Variants in ABCA12 observed in about 807,000 individuals in gnomAD.
The protein encoded by ABCA12 is glucosylceramide transporter ABCA12.
In ABCA12, 156 loss-of-function variants were observed where a neutral mutation model predicts 293.5. The ratio of observed to expected loss-of-function variants is 0.53; its 90% CI spans 0.47 to 0.61. ABCA12 has a LOEUF of 0.61. ABCA12 is among the 20% of genes least tolerant of loss of function. The pLI is 0.00. For missense variants in ABCA12, 2,797 were observed against 3,090.2 expected (o/e 0.91, Z 2.25); for synonymous variants, 1,063 against 1,108.0 (o/e 0.96, Z 0.81).
intron 51 of ABCA12, among the ~76,000 whole-genome samples, chr2:214,934,861 A>G (rs1231872189): frequency 1.3e-5 from 2 of 152,092 alleles, no homozygotes; most frequent in Admixed American, 1.3e-4. Flanking sequence ...ATACCTCTCA[A>G]ACTTAACCTT....
At chr2:214,947,620 G>GA in intron 47 of ABCA12, 64 bp from the exon 48 acceptor site, 3 of 1,557,032 alleles carry the variant, frequency 1.9e-6, no homozygotes, top group Admixed American at 1.9e-5. Flanking sequence ...AGCACTAAAT[G>GA]GAAAAAAAAA....
intron 2 of ABCA12, among the ~76,000 whole-genome samples, chr2:215,107,563 G>C (rs1177902821): frequency 6.6e-6 from 1 of 152,208 alleles, no homozygotes; most frequent in Non-Finnish European, 1.5e-5. Flanking sequence ...AATGAGTGAA[G>C]TCAGGTGATG....
At chr2:215,109,650 A>C (rs1268602637) in intron 2 of ABCA12, among the ~76,000 whole-genome samples, 3 of 152,306 alleles carry the variant, frequency 2.0e-5, no homozygotes, top group East Asian at 3.9e-4. Context: ...ATTAGGCCTA[A>C]GAGGCACATA....
chr2:215,102,079 C>T (rs1702368757), intron 2 of ABCA12, among the ~76,000 whole-genome samples: 2 of 151,926 alleles, frequency 1.3e-5, no homozygotes, highest in Admixed American at 6.6e-5. Context: ...GTATTTGGTA[C>T]ATGCATAGAA....
chr2:214,992,851 G>T (rs978688038), intron 23 of ABCA12, among the ~76,000 whole-genome samples: 1 of 151,944 alleles, frequency 6.6e-6, no homozygotes. Flanking sequence ...TGAGAGACAA[G>T]AGTGAAATTC....
chr2:214,981,145 A>G (rs1359329413), intron 30 of ABCA12, among the ~76,000 whole-genome samples: 1 of 152,036 alleles, frequency 6.6e-6, no homozygotes, highest in Non-Finnish European at 1.5e-5. Context: ...GGTGTTCTTA[A>G]ATATTTGGAC....
chr2:214,942,851 A>G, intron 50 of ABCA12, 74 bp downstream of exon 50: 1 of 1,320,744 alleles, frequency 7.6e-7, no homozygotes, highest in South Asian at 1.2e-5. Flanking sequence ...TGCTGAGATA[A>G]TCCTTGAATC....
intron 29 of ABCA12, among the ~76,000 whole-genome samples, chr2:214,983,292 T>A (rs1430405687): frequency 6.6e-6 from 1 of 152,088 alleles, no homozygotes; most frequent in African/African-American, 2.4e-5. Context: ...GATTTGCAGT[T>A]GAAAAAGATC....
At chr2:214,981,628 C>T (rs563098200) in intron 30 of ABCA12, among the ~76,000 whole-genome samples, 1 of 152,064 alleles carries the variant, frequency 6.6e-6, no homozygotes, top group South Asian at 2.1e-4. Context: ...TCAAAATCTT[C>T]AGAAAAGAAA....
chr2:215,071,862 G>A (rs1304042629), intron 2 of ABCA12, among the ~76,000 whole-genome samples: 1 of 152,178 alleles, frequency 6.6e-6, no homozygotes, highest in African/African-American at 2.4e-5. Context: ...GGTTTGGAGT[G>A]TTGCATGATG....
At chr2:215,052,621 A>G (rs762424161) in intron 4 of ABCA12, 37 bp from the exon 5 acceptor site, 3 of 1,507,338 alleles carry the variant, frequency 2.0e-6, no homozygotes, top group South Asian at 2.2e-5. Context: ...CATTCCACAC[A>G]CACACACACA....
intron 49 of ABCA12, among the ~76,000 whole-genome samples, chr2:214,944,520 A>G (rs1379382618): frequency 2.6e-5 from 4 of 152,134 alleles, no homozygotes; most frequent in Admixed American, 2.6e-4. Context: ...CAGAACCAGG[A>G]AGGAGTCATC....
intron 23 of ABCA12, among the ~76,000 whole-genome samples, chr2:214,992,923 T>G (rs150938518): frequency 1.4e-3 from 219 of 152,126 alleles, no homozygotes; most frequent in African/African-American, 4.8e-3. Flanking sequence ...ATAACCCAAT[T>G]TTTTCTTTTT....
chr2:215,008,211 C>G (rs948613533), intron 18 of ABCA12, among the ~76,000 whole-genome samples: 1 of 152,092 alleles, frequency 6.6e-6, no homozygotes, highest in Non-Finnish European at 1.5e-5. Context: ...GATATTCTCA[C>G]GTATTGCTGC....
At chr2:215,054,141 T>C (rs1701373943) in intron 4 of ABCA12, among the ~76,000 whole-genome samples, 1 of 152,134 alleles carries the variant, frequency 6.6e-6, no homozygotes, top group Admixed American at 6.6e-5. Flanking sequence ...CCAGCTCTGC[T>C]GTATGGCTGT....
At chr2:214,979,313 G>T (rs890990378) in intron 31 of ABCA12, among the ~76,000 whole-genome samples, 1 of 151,886 alleles carries the variant, frequency 6.6e-6, no homozygotes, top group Non-Finnish European at 1.5e-5. Context: ...AGGGCTTTGG[G>T]TTCAGGCACA....
chr2:215,060,656 C>T (rs1351201175), intron 3 of ABCA12, among the ~76,000 whole-genome samples: 1 of 151,974 alleles, frequency 6.6e-6, no homozygotes, highest in Non-Finnish European at 1.5e-5. Context: ...AAAATTAATA[C>T]AAGAAGAGAC....
At chr2:214,947,328 G>A (rs1574930707) in intron 48 of ABCA12, 94 bp downstream of exon 48, 4 of 1,562,828 alleles carry the variant, frequency 2.6e-6, no homozygotes, top group Non-Finnish European at 1.8e-6. Context: ...CTCAATAAAT[G>A]TTGACTGCAA....
intron 2 of ABCA12, among the ~76,000 whole-genome samples, chr2:215,087,487 CGT>C (rs3050135): frequency 3.3e-5 from 5 of 149,628 alleles, no homozygotes; most frequent in East Asian, 4.0e-4. Context: ...ATACAGGCTT[CGT>C]GTGTGTGTGT....
Sources: gnomAD v4.1 joint callset for allele counts (sites outside exome capture counted in the v4.1 genomes callset) on GRCh38, gnomAD v4.1.1 for gene constraint, MANE v1.5 for transcripts, NCBI Gene and HGNC (gene_info 2026-07-23, HGNC 2026-07-21) for gene names.